The following SPECC1 variants were observed in gnomAD, a reference collection of about 807,000 sequenced individuals.
The protein encoded by SPECC1 is sperm antigen with calponin homology and coiled-coil domains 1.
In SPECC1, 62 loss-of-function variants were observed where a neutral mutation model predicts 104.1. The observed-to-expected ratio is 0.60, with a 90% CI of 0.49 to 0.74. The LOEUF is 0.74. Ranked by LOEUF, SPECC1 falls within the 30% of genes least tolerant of loss-of-function variation. The pLI is 0.00. For synonymous variants in SPECC1, 513 were observed against 501.6 expected (o/e 1.02, Z -0.30); for missense variants, 1,306 against 1,310.5 (o/e 1.00, Z 0.05).
At position 20,318,226 on chromosome 17, in the gene SPECC1, T is replaced by C. The variant is rs549434946; in HGVS notation, c.*4161T>C. ...AGTAGAGTTGGAGAGTTTTTCAAGG[T>C]GAGAAGTCGCTGTTCTCTGCATTGA... On this transcript the variant is annotated 3_prime_UTR_variant, in exon 15 of 15. Transcript: ENST00000395527. 28 of 232,334 alleles carry C rather than the reference T, an allele frequency of 1.2e-4. No homozygotes were observed. The East Asian group carries it at 1.7e-3, about 14-fold the overall frequency. 14.4% of individuals were successfully genotyped at this position (232,334 alleles called of 1,614,324 possible).
intron 3 of SPECC1, among the ~76,000 whole-genome samples, chr17:20,115,176 T>C (rs961256360): frequency 6.6e-6 from 1 of 152,062 alleles, no homozygotes; most frequent in African/African-American, 2.4e-5. Context: ...CAAATATTAA[T>C]ATAAAAATTT....
intron 3 of SPECC1, among the ~76,000 whole-genome samples, chr17:20,194,706 A>G (rs1403432553): frequency 1.3e-5 from 2 of 151,546 alleles, no homozygotes; most frequent in Admixed American, 6.6e-5. Flanking sequence ...GGGTTTCACC[A>G]TGTTGGCTAG....
At chr17:20,123,983 G>A (rs1225167002) in intron 3 of SPECC1, among the ~76,000 whole-genome samples, 1 of 152,176 alleles carries the variant, frequency 6.6e-6, no homozygotes, top group East Asian at 1.9e-4. Flanking sequence ...GGAAACAGGG[G>A]CTGAAAGAAA....
chr17:20,281,008 C>T (rs561334198), intron 12 of SPECC1, among the ~76,000 whole-genome samples: 1 of 152,302 alleles, frequency 6.6e-6, no homozygotes, highest in African/African-American at 2.4e-5. Context: ...GAGGAAGGAG[C>T]GGGTCACAGT....
intron 7 of SPECC1, among the ~76,000 whole-genome samples, chr17:20,241,293 A>G: frequency 6.6e-6 from 1 of 152,244 alleles, no homozygotes; most frequent in Non-Finnish European, 1.5e-5. Flanking sequence ...TTAGGTGCAC[A>G]CTGTGGCTCT....
At chr17:20,083,261 T>TTA (rs2047052892) in intron 1 of SPECC1, among the ~76,000 whole-genome samples, 1 of 152,238 alleles carries the variant, frequency 6.6e-6, no homozygotes, top group South Asian at 2.1e-4. Context: ...GCCTTTCCTT[T>TTA]TAAATGCAAA....
intron 4 of SPECC1, among the ~76,000 whole-genome samples, chr17:20,208,827 G>T (rs141920579): frequency 6.6e-6 from 1 of 152,110 alleles, no homozygotes; most frequent in Non-Finnish European, 1.5e-5. Context: ...TTAGAGACAG[G>T]TTCTCGTTTT....
At position 20,038,438 on chromosome 17, in the gene SPECC1, C is replaced by T. The variant is rs1200693145; in HGVS notation, c.-22+29014C>T. On this transcript the variant is annotated intron_variant, in intron 1 of 14. Coordinates refer to ENST00000395527, the MANE Select transcript of SPECC1 (RefSeq NM_001243439.2). ...TTTTTTTTTTTGAGGCAGTCTCTGT[C>T]GCCCAGGCTGGCGTGCAGTGGCACA... Among the ~76,000 whole-genome samples the T allele has an allele frequency of 7.4e-5, 10 of 135,846 alleles. No homozygotes were observed. In the East Asian group the frequency reaches 1.9e-3, roughly 26 times the overall value. The allele number at this position is 135,846 out of a possible 152,430, so 89.1% of individuals were successfully genotyped here.
At chr17:20,304,343 T>C (rs201151759) in intron 13 of SPECC1, among the ~76,000 whole-genome samples, 1 of 50,328 alleles carries the variant, frequency 2.0e-5, no homozygotes, top group South Asian at 1.6e-3. Flanking sequence ...GAGAAACATT[T>C]ATATCTCAAT....
At chr17:20,234,474 C>T (rs1358560358) in intron 7 of SPECC1, among the ~76,000 whole-genome samples, 1 of 152,206 alleles carries the variant, frequency 6.6e-6, no homozygotes. Context: ...ACTTCCAGCA[C>T]CTACCCCATG....
At chr17:20,221,571 T>C (rs539721881) in intron 4 of SPECC1, among the ~76,000 whole-genome samples, 42 of 152,268 alleles carry the variant, frequency 2.8e-4, no homozygotes, top group African/African-American at 8.7e-4. Context: ...GGCCAAAGTT[T>C]TGTCAATTTT....
In SPECC1 at chr17:20,204,930, C is replaced by T; in HGVS notation, c.881C>T (p.Ser294Phe). 5 of 1,614,070 alleles carry T rather than the reference C, an allele frequency of 3.1e-6. No individual in the cohort carries two copies. The highest frequency in any genetic ancestry group is 3.4e-6 in the Non-Finnish European group (4 of 1,180,020). ...GGAAGCCCAACTGGAAATCAGATGTCCAGTGACATTGATGAGTATAAAAAA... is the reference window on the plus strand; with the variant it reads ...GGAAGCCCAACTGGAAATCAGATGTTCAGTGACATTGATGAGTATAAAAAA... ...SFGSPTGNQM[S>F]SDIDEYKKNI... The change falls in exon 4 of 15, where the codon TCC becomes TTC. Residue 294 changes from serine (S) to phenylalanine (F), a missense_variant. By Grantham distance (155) the Ser-to-Phe change is radical. Coordinates refer to ENST00000395527, the MANE Select transcript of SPECC1 (RefSeq NM_001243439.2).
At chr17:20,021,862 G>A (rs2044403074) in intron 1 of SPECC1, among the ~76,000 whole-genome samples, 1 of 146,396 alleles carries the variant, frequency 6.8e-6, no homozygotes, top group Non-Finnish European at 1.5e-5. Flanking sequence ...CTTTGCATGC[G>A]CTTGGCATCA....
At chr17:20,048,193 G>T (rs547661474) in intron 1 of SPECC1, among the ~76,000 whole-genome samples, 4 of 151,332 alleles carry the variant, frequency 2.6e-5, no homozygotes, top group African/African-American at 9.7e-5. Flanking sequence ...GAGTGCAGTG[G>T]CGTGATCTCG....
intron 2 of SPECC1, among the ~76,000 whole-genome samples, chr17:20,098,856 G>T (rs1209738134): frequency 2.0e-5 from 3 of 152,212 alleles, no homozygotes; most frequent in Non-Finnish European, 2.9e-5. Flanking sequence ...TGCAGACAGG[G>T]ACTGTATGCT....
intron 3 of SPECC1, among the ~76,000 whole-genome samples, chr17:20,161,687 T>C (rs56281769): frequency 0.053 from 8,044 of 152,308 alleles, 292 homozygotes; most frequent in Non-Finnish European, 0.079. Flanking sequence ...GCTTTTATCC[T>C]GTTACTCAGT....
In SPECC1 at chr17:20,031,116, T is replaced by C. The variant is rs528041263; in HGVS notation, c.-22+21692T>C. 1.8e-4 allele frequency among the ~76,000 whole-genome samples: 28 copies of C among 152,286 alleles called. 1 individual carries two copies. The South Asian group carries it at 5.8e-3, about 32-fold the overall frequency. ...TTCAAGCAATTCTCGTGTCTCAGTCTCACCAGTAGCTGGGATTATAAGTAT... is the reference window on the plus strand; with the variant it reads ...TTCAAGCAATTCTCGTGTCTCAGTCCCACCAGTAGCTGGGATTATAAGTAT... On this transcript the variant is annotated intron_variant, in intron 1 of 14. Transcript: ENST00000395527.
chr17:20,145,249 T>C (rs2031323047), intron 3 of SPECC1, among the ~76,000 whole-genome samples: 1 of 152,096 alleles, frequency 6.6e-6, no homozygotes, highest in Admixed American at 6.5e-5. Flanking sequence ...GATAGCGTAA[T>C]CTCCCTGAAC....
chr17:20,205,897 CA>C lies in SPECC1; in HGVS notation c.1849del (p.Ser617ValfsTer13). 2 of 1,609,850 alleles carry C rather than the reference CA, an allele frequency of 1.2e-6. No individual in the cohort carries two copies. Among genetic ancestry groups the C allele is most frequent in the Non-Finnish European group, 1.7e-6 (2 of 1,179,218 alleles). ...KANGEIKHVS[S>X]LLAKVEKDYS... ...CAAACGGTGAAATTAAACATGTTTC[CA>C]GTCTGCTGGCCAAGGTGAGAAGAGA... is the stretch of plus-strand genomic sequence containing the variant. On this transcript the variant is annotated frameshift_variant, in exon 4 of 15. Transcript: ENST00000395527. LOFTEE classifies it high-confidence loss of function.
Sources: gnomAD v4.1 joint callset for allele counts (sites outside exome capture counted in the v4.1 genomes callset) on GRCh38, gnomAD v4.1.1 for gene constraint, MANE v1.5 for transcripts, NCBI Gene and HGNC (gene_info 2026-07-23, HGNC 2026-07-21) for gene names.